TOM1L2: variants seen among roughly 807,000 people sequenced by gnomAD.
TOM1L2 encodes the protein target of myb1 like 2 membrane trafficking protein, also known as TOM1-like protein 2.
A neutral mutation model predicts 67.9 loss-of-function variants in TOM1L2; 31 were observed. That is an observed-to-expected ratio of 0.46 (90% CI 0.34 to 0.62). The LOEUF (loss-of-function observed/expected upper bound fraction) is 0.62. Ranked by LOEUF, TOM1L2 falls within the 20% of genes least tolerant of loss-of-function variation. TOM1L2 has a pLI of 0.01. For missense variants in TOM1L2, 606 were observed against 663.5 expected (o/e 0.91, Z 0.95); for synonymous variants, 256 against 254.0 (o/e 1.01, Z -0.07).
intron 1 of TOM1L2, among the ~76,000 whole-genome samples, chr17:17,923,607 T>C (rs761027324): frequency 1.2e-4 from 18 of 152,060 alleles, no homozygotes; most frequent in Admixed American, 2.6e-4. Flanking sequence ...GGAGGATCAC[T>C]TGAGGCTAGG....
In TOM1L2 at chr17:17,893,808, C is replaced by T; in HGVS notation, c.219G>A (p.Val73=). The change falls in exon 4 of 15, where the codon GTG becomes GTA. Residue 73 remains valine (V), a splice_region_variant and synonymous_variant. Coordinates refer to ENST00000379504, the MANE Select transcript of TOM1L2 (RefSeq NM_001082968.2). ...NYREVMLALT[V]LETCVKNCGH... ...CACAGTTCTTCACACATGTCTCCAG[C>T]ACCTGATGTGGGGAGGGAAGGAAAA... is the stretch of plus-strand genomic sequence containing the variant. 1.2e-6 allele frequency: 2 copies of T among 1,613,636 alleles called. No homozygotes were observed. The highest frequency in any genetic ancestry group is 2.2e-5 in the South Asian group (2 of 91,012).
chr17:17,872,291 G>T (rs1192368233), intron 7 of TOM1L2, among the ~76,000 whole-genome samples: 1 of 152,246 alleles, frequency 6.6e-6, no homozygotes, highest in Admixed American at 6.5e-5. Context: ...TCACGTGAAG[G>T]ATTCCAACAG....
intron 1 of TOM1L2, among the ~76,000 whole-genome samples, chr17:17,952,442 G>A (rs959496393): frequency 5.2e-5 from 7 of 134,856 alleles, no homozygotes; most frequent in Non-Finnish European, 7.8e-5. Context: ...CCAGGCTGGA[G>A]TGCAGTGGTG....
chr17:17,922,163 C>G (rs1165408137), intron 1 of TOM1L2, among the ~76,000 whole-genome samples: 1 of 152,192 alleles, frequency 6.6e-6, no homozygotes, highest in East Asian at 1.9e-4. Flanking sequence ...ATCCAGGACA[C>G]AGGGCACAGA....
At chr17:17,924,210 G>A (rs1031800455) in intron 1 of TOM1L2, among the ~76,000 whole-genome samples, 5 of 152,112 alleles carry the variant, frequency 3.3e-5, no homozygotes, top group Admixed American at 2.6e-4. Context: ...TCCAGAATAG[G>A]CAAATCTATA....
chr17:17,866,944 C>G lies in TOM1L2; in HGVS notation c.912-20G>C, dbSNP rs758800169. Reference sequence around the variant, plus strand: ...TCGAACCTAACAGGGGAAGGGAAAGCAGAAGTAAGGAGAGAGGATGCCTGT... The same window carrying G: ...TCGAACCTAACAGGGGAAGGGAAAGGAGAAGTAAGGAGAGAGGATGCCTGT... On this transcript the variant is annotated intron_variant, in intron 8 of 14. Coordinates refer to ENST00000379504, the MANE Select transcript of TOM1L2 (RefSeq NM_001082968.2). 1.2e-6 allele frequency: 2 copies of G among 1,613,672 alleles called. No individual in the cohort carries two copies. The highest frequency in any genetic ancestry group is 2.2e-5 in the South Asian group (2 of 91,070).
Position 17,912,350 on chromosome 17 carries a change from G to A in TOM1L2, c.53-4819C>T, listed in dbSNP as rs1379110168. On this transcript the variant is annotated intron_variant, in intron 1 of 14. Transcript: ENST00000379504. ...CGGAGACGCTCCTCACTTCCCAGAC[G>A]GGGTGGCTGCCGGGCGGAGAGGCTC... 2.7e-5 allele frequency among the ~76,000 whole-genome samples: 4 copies of A among 150,866 alleles called. No individual in the cohort carries two copies. The East Asian group carries it at 5.9e-4, about 22-fold the overall frequency.
At chr17:17,908,715 T>G (rs959574262) in intron 1 of TOM1L2, among the ~76,000 whole-genome samples, 5 of 152,076 alleles carry the variant, frequency 3.3e-5, no homozygotes, top group African/African-American at 4.8e-5. Flanking sequence ...ATTAGGGAAG[T>G]GCAAGTCAAA....
At chr17:17,904,135 G>C (rs1363667371) in intron 2 of TOM1L2, among the ~76,000 whole-genome samples, 2 of 152,154 alleles carry the variant, frequency 1.3e-5, no homozygotes, top group Admixed American at 1.3e-4. Flanking sequence ...ACCTTGCTAG[G>C]AAGAGATTTT....
chr17:17,955,325 CTTTTTTTTTTTT>C (rs67575563), intron 1 of TOM1L2, among the ~76,000 whole-genome samples: 12 of 108,134 alleles, frequency 1.1e-4, no homozygotes, highest in Admixed American at 5.6e-4. Context: ...CACACAATTC[CTTTTTTTTTTTT>C]TTTTTTTTTT....
chr17:17,886,340 AG>A (rs2037998976), intron 4 of TOM1L2, among the ~76,000 whole-genome samples: 1 of 152,260 alleles, frequency 6.6e-6, no homozygotes, highest in African/African-American at 2.4e-5. Flanking sequence ...GGATCAGGAC[AG>A]CCCCTCTTGG....
At chr17:17,888,963 C>A (rs1338426551) in intron 4 of TOM1L2, among the ~76,000 whole-genome samples, 1 of 152,204 alleles carries the variant, frequency 6.6e-6, no homozygotes, top group Non-Finnish European at 1.5e-5. Flanking sequence ...GTCTTTGGTG[C>A]CCCTGGGGGT....
At position 17,893,631 on chromosome 17, in the gene TOM1L2, C is replaced by A. The variant is rs746456339; in HGVS notation, c.366+30G>T. 1.9e-6 allele frequency: 3 copies of A among 1,604,460 alleles called. No homozygotes were observed. In the South Asian group the frequency reaches 3.3e-5, roughly 18 times the overall value. On this transcript the variant is annotated intron_variant, in intron 4 of 14. Coordinates refer to ENST00000379504, the MANE Select transcript of TOM1L2 (RefSeq NM_001082968.2). ...ATAAGAGACTTCATCTTACTCTGTT[C>A]CAACAAATTGGGCAAGGGGTCCAAC...
intron 1 of TOM1L2, among the ~76,000 whole-genome samples, chr17:17,968,991 ATC>A (rs1342437041): frequency 6.6e-6 from 1 of 151,342 alleles, no homozygotes; most frequent in African/African-American, 2.4e-5. Context: ...TGTTTCATGC[ATC>A]TCTGTCTTCT....
chr17:17,905,141 G>A lies in TOM1L2; in HGVS notation c.137+2306C>T, dbSNP rs1196683614. On this transcript the variant is annotated intron_variant, in intron 2 of 14. Transcript: ENST00000379504. ...TGTGTAGTCCCTAACAACTATTTGT[G>A]AGTCACGTCTGTGTACCAGGCACCA... Among the ~76,000 whole-genome samples the A allele has an allele frequency of 2.6e-5, 4 of 152,336 alleles. No individual in the cohort carries two copies. The East Asian group carries it at 7.7e-4, about 29-fold the overall frequency.
At chr17:17,953,647 C>T (rs941347286) in intron 1 of TOM1L2, among the ~76,000 whole-genome samples, 2 of 152,330 alleles carry the variant, frequency 1.3e-5, no homozygotes, top group African/African-American at 2.4e-5. Flanking sequence ...CACAGCTGAC[C>T]TCACTGACCT....
intron 6 of TOM1L2, among the ~76,000 whole-genome samples, 183 bp from the exon 7 acceptor site, chr17:17,879,926 TGA>T (rs1172705018): frequency 1.3e-5 from 2 of 152,180 alleles, no homozygotes; most frequent in Non-Finnish European, 2.9e-5. Context: ...CTGTCAGCTC[TGA>T]GAGAGCTGAA....
intron 5 of TOM1L2, 31 bp downstream of exon 5, chr17:17,884,603 T>C: frequency 6.2e-7 from 1 of 1,613,390 alleles, no homozygotes; most frequent in Non-Finnish European, 8.5e-7. Flanking sequence ...CTGCAGTAGG[T>C]CTTTCTAGAA....
At chr17:17,946,658 G>A (rs2040964869) in intron 1 of TOM1L2, among the ~76,000 whole-genome samples, 1 of 152,086 alleles carries the variant, frequency 6.6e-6, no homozygotes, top group Non-Finnish European at 1.5e-5. Context: ...TAGGCTCATG[G>A]GTGCAGAGGC....
Sources: allele counts gnomAD v4.1 joint callset (sites outside exome capture counted in the v4.1 genomes callset), GRCh38; gene constraint gnomAD v4.1.1; transcripts MANE v1.5; gene names NCBI Gene and HGNC (gene_info 2026-07-23, HGNC 2026-07-21).